TNS3: variants seen among roughly 807,000 people sequenced by gnomAD.
The protein encoded by TNS3 is tensin-3.
TNS3 carries 45 observed loss-of-function variants against 140.9 expected under a neutral mutation model. The ratio of observed to expected loss-of-function variants is 0.32; its 90% CI spans 0.25 to 0.41. The LOEUF (loss-of-function observed/expected upper bound fraction) is 0.41. Among genes scored for constraint, TNS3 ranks in the 10% least tolerant of loss-of-function variants. The pLI, the probability that TNS3 is intolerant of heterozygous loss-of-function variation, is 1.00. For synonymous variants in TNS3, 815 were observed against 788.4 expected, an observed-to-expected ratio of 1.03 and a Z score of -0.56; for missense variants, 1,716 against 1,906.7, an observed-to-expected ratio of 0.90 and a Z score of 1.86.
rs1463218787 is a variant in TNS3 at position 47,293,173 on chromosome 7, G to C, written c.3773-268C>G. Reference sequence around the variant, plus strand: ...AATTATATAAAGACTAAAGCATACAGTTTGTTGGATCTTGAATCAGGAGGG... The same window carrying C: ...AATTATATAAAGACTAAAGCATACACTTTGTTGGATCTTGAATCAGGAGGG... On this transcript the variant is annotated intron_variant, in intron 25 of 30. Transcript: ENST00000311160. Among the ~76,000 whole-genome samples, 9 of 152,194 alleles carry C rather than the reference G, an allele frequency of 5.9e-5. 1 individual carries two copies. The highest frequency in any genetic ancestry group is 5.9e-4 in the Admixed American group (9 of 15,286).
intron 3 of TNS3, among the ~76,000 whole-genome samples, chr7:47,494,096 A>G (rs1261271005): frequency 6.6e-6 from 1 of 152,162 alleles, no homozygotes; most frequent in Non-Finnish European, 1.5e-5. Flanking sequence ...TGGTTCCTGC[A>G]GGTCTAAAGC....
chr7:47,363,932 C>A (rs983714371), intron 17 of TNS3, among the ~76,000 whole-genome samples: 1 of 152,130 alleles, frequency 6.6e-6, no homozygotes, highest in African/African-American at 2.4e-5. Context: ...GCTCAACAGC[C>A]CTGGTCTCCT....
chr7:47,327,538 C>A (rs1440519364), intron 20 of TNS3, among the ~76,000 whole-genome samples: 1 of 152,204 alleles, frequency 6.6e-6, no homozygotes. Flanking sequence ...GGCAGGCTCG[C>A]TTTATCAGTT....
At chr7:47,332,035 G>A (rs1161925637) in intron 20 of TNS3, among the ~76,000 whole-genome samples, 2 of 152,214 alleles carry the variant, frequency 1.3e-5, no homozygotes, top group Non-Finnish European at 2.9e-5. Context: ...CCCTCTCAGT[G>A]ACTCAAGACA....
rs758690826 is a variant in TNS3, at chr7:47,304,922, C to T, written c.2732G>A (p.Arg911Gln). 11 of 1,437,044 alleles carry T rather than the reference C, an allele frequency of 7.7e-6. No homozygotes were observed. The highest frequency in any genetic ancestry group is 4.4e-5 in the African/African-American group (3 of 68,862). The allele number at this position is 1,437,044 out of a possible 1,614,324, so 89.0% of individuals were successfully genotyped here. The part of the protein sequence containing the change: ...SPIGPKSTML[R>Q]ADASSTPSFQ... ...GGAGGGCGTCGAGGACGCATCAGCC[C>T]GGAGCATCGTGGATTTGGGTCCGAT... Residue 911 changes from arginine (R) to glutamine (Q), a missense_variant, in exon 21 of 31, where the codon CGG becomes CAG. Coordinates refer to ENST00000311160, the MANE Select transcript of TNS3 (RefSeq NM_022748.12).
Position 47,304,919 on chromosome 7 carries a change from G to A in TNS3, c.2735C>T (p.Ala912Val). Residue 912 changes from alanine to valine, a missense_variant, in exon 21 of 31, where the codon GCT becomes GTT. Physicochemically the swap from Ala to Val is moderately conservative, Grantham distance 64 (BLOSUM62 0). This residue lies in a region of TNS3 where 1,163 missense variants were observed against 1,182.1 expected (regional missense o/e 0.98). Transcript: ENST00000311160. The part of the protein sequence containing the change: ...PIGPKSTMLR[A>V]DASSTPSFQQ... Reference sequence around the variant, plus strand: ...AAAGGAGGGCGTCGAGGACGCATCAGCCCGGAGCATCGTGGATTTGGGTCC... The same window carrying A: ...AAAGGAGGGCGTCGAGGACGCATCAACCCGGAGCATCGTGGATTTGGGTCC... 1 of 1,438,230 alleles carries A rather than the reference G, an allele frequency of 7.0e-7. No individual in the cohort carries two copies. Among genetic ancestry groups the A allele is most frequent in the Non-Finnish European group, 9.2e-7 (1 of 1,081,994 alleles). 89.1% of individuals were successfully genotyped at this position (1,438,230 alleles called of 1,614,324 possible). A position where few individuals can be genotyped will look rare whatever the true frequency, so the allele number is the denominator to read the frequency against.
chr7:47,539,128 AG>A (rs1270097445), intron 1 of TNS3: 5 of 456,698 alleles, frequency 1.1e-5, no homozygotes, highest in Admixed American at 7.0e-5. Flanking sequence ...ATGAACAGAT[AG>A]CCCCCAGCAG....
chr7:47,384,095 C>T (rs76004675), intron 16 of TNS3, among the ~76,000 whole-genome samples: 2 of 152,214 alleles, frequency 1.3e-5, no homozygotes, highest in South Asian at 2.1e-4. Flanking sequence ...ATTCTCCCCC[C>T]ACTGTCTCCA....
At chr7:47,302,850 C>A in intron 22 of TNS3, 100 bp downstream of exon 22, 1 of 1,466,236 alleles carries the variant, frequency 6.8e-7, no homozygotes, top group East Asian at 2.3e-5. Context: ...GGTGCCCAGC[C>A]CAGCACTAGA....
chr7:47,346,181 A>G lies in TNS3; in HGVS notation c.2451+6T>C, dbSNP rs1341293297. The G allele has an allele frequency of 6.8e-6, 11 of 1,613,586 alleles. No homozygotes were observed. The highest frequency in any genetic ancestry group is 9.3e-6 in the Non-Finnish European group (11 of 1,179,678). Reference sequence around the variant, plus strand: ...CCAGAAACTGGGACCTGGCTGTGGCACATACCTCTTTGACGTCCGCTGGTG... The same window carrying G: ...CCAGAAACTGGGACCTGGCTGTGGCGCATACCTCTTTGACGTCCGCTGGTG... On this transcript the variant is annotated splice_donor_region_variant and intron_variant, in intron 18 of 30. Transcript: ENST00000311160.
At position 47,390,391 on chromosome 7, in the gene TNS3, G is replaced by A. The variant is rs137861402; in HGVS notation, c.1024+6409C>T. Reference sequence around the variant, plus strand: ...GCACTTCCTGACCCAACATGTCCTCGTGGTAGCCCATTCCTGGAGCTCGGA... The same window carrying A: ...GCACTTCCTGACCCAACATGTCCTCATGGTAGCCCATTCCTGGAGCTCGGA... On this transcript the variant is annotated intron_variant, in intron 16 of 30. Coordinates refer to ENST00000311160, the MANE Select transcript of TNS3 (RefSeq NM_022748.12). Among the ~76,000 whole-genome samples, 350 of 152,300 alleles carry A rather than the reference G, an allele frequency of 2.3e-3. 2 individuals are homozygous for A. Among genetic ancestry groups the A allele is most frequent in the African/African-American group, 8.1e-3 (337 of 41,554 alleles).
chr7:47,344,825 C>T lies in TNS3; in HGVS notation c.2580G>A (p.Leu860=). The change falls in exon 20 of 31, where the codon CTG becomes CTA. Residue 860 remains leucine (L), a synonymous_variant. Coordinates refer to ENST00000311160, the MANE Select transcript of TNS3 (RefSeq NM_022748.12). The part of the protein sequence containing the change: ...SPETPYVKTA[L]RHPPFSPPEP... The stretch of plus-strand genomic sequence containing the variant: ...CAGGTGGGCTGAACGGAGGATGGCG[C>T]AGCGCTGTTTTCACTGGAAAAGAAA... 5 of 1,613,870 alleles carry T rather than the reference C, an allele frequency of 3.1e-6. No homozygotes were observed. Among genetic ancestry groups the T allele is most frequent in the Non-Finnish European group, 4.2e-6 (5 of 1,179,998 alleles).
At chr7:47,381,985 C>T (rs568273180) in intron 16 of TNS3, among the ~76,000 whole-genome samples, 1 of 152,118 alleles carries the variant, frequency 6.6e-6, no homozygotes, top group African/African-American at 2.4e-5. Context: ...AATGAATGTC[C>T]GAGTCTCTCC....
intron 2 of TNS3, among the ~76,000 whole-genome samples, chr7:47,512,789 T>C (rs1798655703): frequency 1.3e-5 from 2 of 152,160 alleles, no homozygotes; most frequent in Non-Finnish European, 2.9e-5. Flanking sequence ...ATCATAGAAC[T>C]GATTCGGAAT....
chr7:47,277,614 G>A lies in TNS3; in HGVS notation c.*462C>T. 1 of 236,156 alleles carries A rather than the reference G, an allele frequency of 4.2e-6. No homozygotes were observed. The highest frequency in any genetic ancestry group is 5.7e-5 in the South Asian group (1 of 17,402). 14.6% of individuals were successfully genotyped at this position (236,156 alleles called of 1,614,324 possible). A position where few individuals can be genotyped will look rare whatever the true frequency, so the allele number is the denominator to read the frequency against. ...ATCTCCATCTTGGGAAGACCGAGGT[G>A]AGGGAAACCCCCGGCCTCGGGTGCA... On this transcript the variant is annotated 3_prime_UTR_variant, in exon 31 of 31. Transcript: ENST00000311160.
intron 11 of TNS3, 106 bp from the exon 12 acceptor site, chr7:47,414,103 C>T: frequency 8.2e-7 from 1 of 1,218,102 alleles, no homozygotes; most frequent in Admixed American, 1.8e-5. Flanking sequence ...GAGACTGCAC[C>T]TGCGGCCTTT....
rs566198550 is a variant in TNS3 at position 47,524,727 on chromosome 7, G to A, written c.-153+4309C>T. Among the ~76,000 whole-genome samples, 29 of 147,288 alleles carry A rather than the reference G, an allele frequency of 2.0e-4. 1 individual carries two copies. Among genetic ancestry groups the A allele is most frequent in the African/African-American group, 6.7e-4 (26 of 38,942 alleles). On this transcript the variant is annotated intron_variant, in intron 2 of 30. Coordinates refer to ENST00000311160, the MANE Select transcript of TNS3 (RefSeq NM_022748.12). ...TGAGGCAGGAGAATGGCGTGAACCCGGGAGGCGGAGCTTGCAGTGAGCCGA... is the reference window on the plus strand; with the variant it reads ...TGAGGCAGGAGAATGGCGTGAACCCAGGAGGCGGAGCTTGCAGTGAGCCGA...
chr7:47,298,126 G>C (rs1006985045), intron 23 of TNS3, among the ~76,000 whole-genome samples: 1 of 152,156 alleles, frequency 6.6e-6, no homozygotes, highest in African/African-American at 2.4e-5. Flanking sequence ...TGATAGAAAG[G>C]GCATACCCAA....
At position 47,297,161 on chromosome 7, in the gene TNS3, G is replaced by C; in HGVS notation, c.3597C>G (p.Ser1199Arg). ...KEPGSFIVRD[S>R]HSFRGAYGLA... The stretch of plus-strand genomic sequence containing the variant: ...GGCCATAGGCCCCTCGGAAGGAATG[G>C]CTGTCTCGAACAATGAATGAGCCCG... Residue 1199 changes from serine to arginine, a missense_variant, in exon 24 of 31, where the codon AGC becomes AGG. Coordinates refer to ENST00000311160, the MANE Select transcript of TNS3 (RefSeq NM_022748.12). 1 of 1,613,822 alleles carries C rather than the reference G, an allele frequency of 6.2e-7. No homozygotes were observed. Among genetic ancestry groups the C allele is most frequent in the Non-Finnish European group, 8.5e-7 (1 of 1,179,944 alleles).
Sources: allele counts gnomAD v4.1 joint callset (sites outside exome capture counted in the v4.1 genomes callset), GRCh38; gene constraint gnomAD v4.1.1; regional missense constraint gnomAD v4.1.1; transcripts MANE v1.5; gene names NCBI Gene and HGNC (gene_info 2026-07-23, HGNC 2026-07-21).